SLC25A31: variants seen among roughly 807,000 people sequenced by gnomAD.
The protein encoded by SLC25A31 is solute carrier family 25 member 31.
Under a neutral mutation model 36.2 loss-of-function variants are expected in SLC25A31, and 40 were observed. That is an observed-to-expected ratio of 1.10 (90% CI 0.86 to 1.44). The LOEUF (loss-of-function observed/expected upper bound fraction) is 1.44, where lower values mean the gene tolerates loss of function less well. Among genes scored for constraint, SLC25A31 ranks in the 40% most tolerant of loss-of-function variants. SLC25A31 has a pLI of 0.00. For missense variants in SLC25A31, 350 were observed against 397.1 expected (o/e 0.88, Z 1.01); for synonymous variants, 143 against 149.7 (o/e 0.96, Z 0.32).
At chr4:127,753,140 T>C (rs945643212) in intron 2 of SLC25A31, among the ~76,000 whole-genome samples, 1 of 152,118 alleles carries the variant, frequency 6.6e-6, no homozygotes, top group Non-Finnish European at 1.5e-5. Context: ...AGGAAAAATT[T>C]TAAATATCTT....
At chr4:127,733,787 T>C (rs1731573936) in intron 1 of SLC25A31, among the ~76,000 whole-genome samples, 1 of 152,198 alleles carries the variant, frequency 6.6e-6, no homozygotes, top group Non-Finnish European at 1.5e-5. Context: ...CTTTAGGCCA[T>C]GTGAAATGAG....
Position 127,748,638 on chromosome 4 carries a change from A to G in SLC25A31, c.360+3839A>G, listed in dbSNP as rs895886928. Among the ~76,000 whole-genome samples the G allele has an allele frequency of 7.5e-4, 115 of 152,322 alleles. 1 individual carries two copies. Among genetic ancestry groups the G allele is most frequent in the African/African-American group, 2.7e-3 (111 of 41,574 alleles). The stretch of plus-strand genomic sequence containing the variant: ...CAGAATCTAGATAGGATATGTGCTC[A>G]CTACAGTTTTTGGTTAGAGACCCAC... On this transcript the variant is annotated intron_variant, in intron 2 of 5. Transcript: ENST00000281154.
At chr4:127,736,047 G>A (rs1731627186) in intron 1 of SLC25A31, among the ~76,000 whole-genome samples, 1 of 150,426 alleles carries the variant, frequency 6.6e-6, no homozygotes. Context: ...CCGCTACCAC[G>A]CCCGGCTAAT....
At chr4:127,742,219 A>G (rs1224204887) in intron 1 of SLC25A31, among the ~76,000 whole-genome samples, 3 of 152,218 alleles carry the variant, frequency 2.0e-5, no homozygotes, top group Non-Finnish European at 2.9e-5. Flanking sequence ...TTTCTCATCA[A>G]TAAACCAAGA....
intron 2 of SLC25A31, among the ~76,000 whole-genome samples, chr4:127,750,978 T>C (rs1313269592): frequency 6.6e-6 from 1 of 152,164 alleles, no homozygotes; most frequent in Non-Finnish European, 1.5e-5. Context: ...GACTCAACAG[T>C]CAGTTGCCTA....
intron 3 of SLC25A31, among the ~76,000 whole-genome samples, chr4:127,764,648 C>CT (rs1419919806): frequency 6.6e-6 from 1 of 151,992 alleles, no homozygotes; most frequent in African/African-American, 2.4e-5. Flanking sequence ...TTTCCATGCA[C>CT]TTAGTCCTGT....
intron 2 of SLC25A31, among the ~76,000 whole-genome samples, chr4:127,755,301 C>T (rs1232148555): frequency 6.6e-6 from 1 of 152,056 alleles, no homozygotes; most frequent in Non-Finnish European, 1.5e-5. Context: ...AACTAAAATG[C>T]TTCTGAACAG....
chr4:127,733,781 A>G (rs1177834846), intron 1 of SLC25A31, among the ~76,000 whole-genome samples: 1 of 152,128 alleles, frequency 6.6e-6, no homozygotes, highest in Non-Finnish European at 1.5e-5. Flanking sequence ...TCCTTTCTTT[A>G]GGCCATGTGA....
intron 2 of SLC25A31, among the ~76,000 whole-genome samples, chr4:127,762,131 G>C (rs1732151851): frequency 6.6e-6 from 1 of 152,156 alleles, no homozygotes; most frequent in East Asian, 1.9e-4. Flanking sequence ...CTCCTGACTT[G>C]CTCTGTGAAA....
chr4:127,749,206 T>C (rs1338263184), intron 2 of SLC25A31, among the ~76,000 whole-genome samples: 4 of 151,844 alleles, frequency 2.6e-5, no homozygotes, highest in Admixed American at 6.6e-5. Flanking sequence ...AACTCAAAGA[T>C]AGGTCATTTA....
rs116273802 is a variant in SLC25A31, at chr4:127,773,460, T to A, written c.834T>A (p.Ser278Arg). The change falls in exon 6 of 6, where the codon AGT (serine) becomes AGA (arginine). Residue 278 changes from serine to arginine, a missense_variant. Ser to Arg is a moderately radical substitution (Grantham distance 110). Transcript: ENST00000281154. ...AGATATACCAACATGAAGGAATCAG[T>A]TCCTTTTTTCGTGGCGCCTTCTCCA... is the stretch of plus-strand genomic sequence containing the variant. ...FVKIYQHEGI[S>R]SFFRGAFSNV... The A allele has an allele frequency of 8.6e-5, 139 of 1,614,130 alleles. No homozygotes were observed. The East Asian group carries it at 3.1e-3, about 36-fold the overall frequency.
chr4:127,758,586 T>TA (rs1385970839), intron 2 of SLC25A31, among the ~76,000 whole-genome samples: 14 of 152,200 alleles, frequency 9.2e-5, no homozygotes, highest in African/African-American at 3.4e-4. Flanking sequence ...GTCTAGGATT[T>TA]TTTTAGTTTG....
intron 2 of SLC25A31, 78 bp downstream of exon 2, chr4:127,744,877 A>T: frequency 9.1e-7 from 1 of 1,102,090 alleles, no homozygotes; most frequent in East Asian, 2.8e-5. Flanking sequence ...TCCAATGTAA[A>T]TATATTTCAC....
At position 127,730,618 on chromosome 4, in the gene SLC25A31, C is replaced by G. The variant is rs377459295; in HGVS notation, c.73C>G (p.Leu25Val). The G allele has an allele frequency of 1.2e-6, 2 of 1,614,068 alleles. No individual in the cohort carries two copies. Among genetic ancestry groups the G allele is most frequent in the Non-Finnish European group, 1.7e-6 (2 of 1,179,958 alleles). The stretch of plus-strand genomic sequence containing the variant: ...CGCCTCATCCTTCGGGAAGGACCTT[C>G]TGGCCGGCGGAGTCGCGGCAGCTGT... ...FDASSFGKDL[L>V]AGGVAAAVSK... The change falls in exon 1 of 6, where the codon CTG becomes GTG. Residue 25 changes from leucine to valine, a missense_variant. By Grantham distance (32) the Leu-to-Val change is conservative. Coordinates refer to ENST00000281154, the MANE Select transcript of SLC25A31 (RefSeq NM_031291.4).
intron 1 of SLC25A31, among the ~76,000 whole-genome samples, chr4:127,737,878 C>T (rs1410127603): frequency 6.6e-6 from 1 of 151,920 alleles, no homozygotes; most frequent in Non-Finnish European, 1.5e-5. Flanking sequence ...ATGTATTATA[C>T]TCATTTTTTA....
chr4:127,753,075 G>A (rs568468829), intron 2 of SLC25A31, among the ~76,000 whole-genome samples: 19 of 152,218 alleles, frequency 1.2e-4, no homozygotes, highest in African/African-American at 4.3e-4. Flanking sequence ...TCACAAATAT[G>A]TGGAAATTAA....
At chr4:127,764,682 T>G (rs964068876) in intron 3 of SLC25A31, among the ~76,000 whole-genome samples, 2 of 152,188 alleles carry the variant, frequency 1.3e-5, no homozygotes, top group Non-Finnish European at 2.9e-5. Flanking sequence ...CCCTTCTAGG[T>G]TAGATGCACA....
intron 2 of SLC25A31, among the ~76,000 whole-genome samples, chr4:127,748,913 C>T (rs1731871510): frequency 6.6e-6 from 1 of 152,042 alleles, no homozygotes; most frequent in African/African-American, 2.4e-5. Flanking sequence ...AATAATGCTC[C>T]AATAACAGAC....
At chr4:127,767,319 TAAA>T (rs1404730172) in intron 4 of SLC25A31, 99 bp downstream of exon 4, 7 of 1,115,634 alleles carry the variant, frequency 6.3e-6, no homozygotes, top group Non-Finnish European at 8.4e-6. Context: ...ATTATAAAAA[TAAA>T]AATCAGTGAT....
Sources: gnomAD v4.1 joint callset for allele counts (sites outside exome capture counted in the v4.1 genomes callset) on GRCh38, gnomAD v4.1.1 for gene constraint, MANE v1.5 for transcripts, NCBI Gene and HGNC (gene_info 2026-07-23, HGNC 2026-07-21) for gene names.